The following RHOJ variants were observed in gnomAD, a reference collection of about 807,000 sequenced individuals.
RHOJ encodes the protein ras homolog family member J.
In RHOJ, 11 loss-of-function variants were observed where a neutral mutation model predicts 23.4. That is an observed-to-expected ratio of 0.47 (90% CI 0.30 to 0.78). The LOEUF is 0.78. Among genes scored for constraint, RHOJ ranks in the 30% least tolerant of loss-of-function variants. The probability of loss-of-function intolerance (pLI) is 0.08; values close to 1 mark genes in which losing one functional copy is unlikely to be tolerated. For synonymous variants in RHOJ, 102 were observed against 102.7 expected (o/e 0.99, Z 0.04); for missense variants, 254 against 273.4 (o/e 0.93, Z 0.50).
At chr14:63,273,593 G>T (rs1387451461) in intron 2 of RHOJ, among the ~76,000 whole-genome samples, 1 of 152,174 alleles carries the variant, frequency 6.6e-6, no homozygotes, top group East Asian at 1.9e-4. Context: ...CCAGGTTATG[G>T]CTTGCAGCCA....
intron 1 of RHOJ, among the ~76,000 whole-genome samples, chr14:63,237,506 A>G (rs1402526312): frequency 6.6e-6 from 1 of 152,202 alleles, no homozygotes; most frequent in Non-Finnish European, 1.5e-5. Context: ...TATCATTTCT[A>G]AAATCTTCCT....
At chr14:63,238,957 T>TC (rs1894836776) in intron 1 of RHOJ, among the ~76,000 whole-genome samples, 1 of 152,158 alleles carries the variant, frequency 6.6e-6, no homozygotes, top group Admixed American at 6.5e-5. Flanking sequence ...TGGAATTGCA[T>TC]CCCATGCTCA....
At chr14:63,277,672 G>A (rs914787175) in intron 2 of RHOJ, among the ~76,000 whole-genome samples, 1 of 152,134 alleles carries the variant, frequency 6.6e-6, no homozygotes, top group Non-Finnish European at 1.5e-5. Flanking sequence ...AGTACCTGTA[G>A]GGATGAGAAA....
intron 1 of RHOJ, among the ~76,000 whole-genome samples, chr14:63,268,206 G>T (rs1327273423): frequency 6.6e-6 from 1 of 152,036 alleles, no homozygotes; most frequent in Non-Finnish European, 1.5e-5. Context: ...TTTCCAAAAA[G>T]CGATTCAATT....
At chr14:63,242,535 T>G (rs1894901268) in intron 1 of RHOJ, among the ~76,000 whole-genome samples, 1 of 152,090 alleles carries the variant, frequency 6.6e-6, no homozygotes, top group East Asian at 1.9e-4. Context: ...GCCACTGCAC[T>G]CCAGGACGAC....
At chr14:63,218,533 G>T (rs1894414807) in intron 1 of RHOJ, among the ~76,000 whole-genome samples, 2 of 152,104 alleles carry the variant, frequency 1.3e-5, no homozygotes, top group Non-Finnish European at 1.5e-5. Flanking sequence ...CTAAGATTTA[G>T]TATGCAGTAT....
At chr14:63,232,787 C>G (rs931093327) in intron 1 of RHOJ, among the ~76,000 whole-genome samples, 2 of 149,948 alleles carry the variant, frequency 1.3e-5, no homozygotes, top group Non-Finnish European at 3.0e-5. Flanking sequence ...ACCTCCATCT[C>G]CCAGGCTCAA....
chr14:63,210,085 A>C (rs1231912253), intron 1 of RHOJ, among the ~76,000 whole-genome samples: 3 of 151,216 alleles, frequency 2.0e-5, no homozygotes, highest in African/African-American at 7.3e-5. Flanking sequence ...TTAGCCTCCC[A>C]AGTAGCTGGG....
chr14:63,253,341 T>C (rs1488398593), intron 1 of RHOJ, among the ~76,000 whole-genome samples: 2 of 152,082 alleles, frequency 1.3e-5, no homozygotes, highest in African/African-American at 4.8e-5. Context: ...CAATCATAGC[T>C]CACTATAACG....
intron 1 of RHOJ, among the ~76,000 whole-genome samples, chr14:63,249,380 CT>C (rs1260501375): frequency 6.6e-6 from 1 of 152,158 alleles, no homozygotes; most frequent in Non-Finnish European, 1.5e-5. Flanking sequence ...CCAGCATATG[CT>C]CAACACTGCT....
chr14:63,283,317 C>T (rs1380367367), intron 4 of RHOJ, 101 bp downstream of exon 4: 1 of 949,406 alleles, frequency 1.1e-6, no homozygotes, highest in Admixed American at 1.9e-5. Flanking sequence ...CTTTAAAGTG[C>T]AATGTGTTTA....
At chr14:63,234,930 C>G (rs770455811) in intron 1 of RHOJ, among the ~76,000 whole-genome samples, 1 of 152,246 alleles carries the variant, frequency 6.6e-6, no homozygotes. Context: ...GAAATTAGTT[C>G]CCTTCCTTTT....
chr14:63,205,119 C>T, intron 1 of RHOJ, 72 bp downstream of exon 1: 4 of 1,503,182 alleles, frequency 2.7e-6, no homozygotes, highest in Non-Finnish European at 3.6e-6. Flanking sequence ...TTCAGAGGGG[C>T]CTGGCTCATT....
At chr14:63,228,290 A>T (rs1251692740) in intron 1 of RHOJ, among the ~76,000 whole-genome samples, 4 of 152,212 alleles carry the variant, frequency 2.6e-5, no homozygotes, top group African/African-American at 9.7e-5. Context: ...CTGGAGAGCA[A>T]ATTTATCAGA....
intron 1 of RHOJ, among the ~76,000 whole-genome samples, chr14:63,218,270 C>T (rs1894409536): frequency 6.6e-6 from 1 of 152,170 alleles, no homozygotes; most frequent in South Asian, 2.1e-4. Context: ...ATATTCACAG[C>T]TCTGTCTCTA....
intron 2 of RHOJ, among the ~76,000 whole-genome samples, chr14:63,276,420 TAAGAGA>T (rs1259214222): frequency 6.6e-6 from 1 of 152,154 alleles, no homozygotes; most frequent in East Asian, 1.9e-4. Flanking sequence ...CAGCAAAGAG[TAAGAGA>T]AACTTAACCT....
At chr14:63,270,113 A>G (rs1044492009) in intron 2 of RHOJ, among the ~76,000 whole-genome samples, 4 of 145,834 alleles carry the variant, frequency 2.7e-5, no homozygotes, top group African/African-American at 1.0e-4. Flanking sequence ...TTACCCTGCT[A>G]TTTCTCAGTG....
At position 63,204,948 on chromosome 14, in the gene RHOJ, G is replaced by T. The variant is rs890824438; in HGVS notation, c.79G>T (p.Val27Leu). ...DEKKMLKCVVVGDGAVGKTCL... is the reference protein window; with the variant it reads ...DEKKMLKCVVLGDGAVGKTCL... ...GAAGAAGATGTTGAAGTGTGTGGTG[G>T]TGGGGGACGGTGCCGTGGGGAAAAC... The change falls in exon 1 of 5, where the codon GTG becomes TTG. Residue 27 changes from valine (V) to leucine (L), a missense_variant. Val to Leu is a conservative substitution (Grantham distance 32, BLOSUM62 1). Coordinates refer to ENST00000316754, the MANE Select transcript of RHOJ (RefSeq NM_020663.5). The T allele has an allele frequency of 8.1e-6, 13 of 1,614,238 alleles. No homozygotes were observed. Among genetic ancestry groups the T allele is most frequent in the Non-Finnish European group, 1.1e-5 (13 of 1,180,050 alleles).
intron 1 of RHOJ, among the ~76,000 whole-genome samples, chr14:63,238,479 C>T (rs768499134): frequency 2.6e-5 from 4 of 152,106 alleles, no homozygotes; most frequent in Non-Finnish European, 5.9e-5. Context: ...TGCAGTGGTG[C>T]CATCTCAGCT....
Sources: gnomAD v4.1 joint callset for allele counts (sites outside exome capture counted in the v4.1 genomes callset) on GRCh38, gnomAD v4.1.1 for gene constraint, MANE v1.5 for transcripts, NCBI Gene and HGNC (gene_info 2026-07-23, HGNC 2026-07-21) for gene names.